Variants in CACNA1A observed in about 807,000 individuals in gnomAD.
CACNA1A encodes the protein voltage-dependent P/Q-type calcium channel subunit alpha-1A.
In CACNA1A, 57 loss-of-function variants were observed where a neutral mutation model predicts 262.4. The ratio of observed to expected loss-of-function variants is 0.22; its 90% CI spans 0.18 to 0.27. The LOEUF is 0.27. Among genes scored for constraint, CACNA1A ranks in the 10% least tolerant of loss-of-function variants. CACNA1A has a pLI of 1.00. For synonymous variants in CACNA1A, 1,431 were observed against 1,419.3 expected, an observed-to-expected ratio of 1.01 and a Z score of -0.18; for missense variants, 2,526 against 3,562.8, an observed-to-expected ratio of 0.71 and a Z score of 7.41.
intron 3 of CACNA1A, among the ~76,000 whole-genome samples, chr19:13,448,302 T>C (rs1453943036): frequency 2.0e-5 from 3 of 152,070 alleles, no homozygotes; most frequent in African/African-American, 4.8e-5. Context: ...TAAATGATGA[T>C]AACACATGGA....
At chr19:13,493,042 G>C (rs1981085023) in intron 1 of CACNA1A, among the ~76,000 whole-genome samples, 1 of 152,202 alleles carries the variant, frequency 6.6e-6, no homozygotes, top group South Asian at 2.1e-4. Context: ...GGGAAGGAGA[G>C]AGAAGGGGAG....
Position 13,505,991 on chromosome 19 carries a change from G to C in CACNA1A, c.234C>G (p.Leu78=). ...RQNCLTVNRS[L]FLFSEDNVVR... is the part of the protein sequence containing the mutation. ...CCACGTTGTCTTCGCTGAAGAGGAA[G>C]AGAGACCGGTTAACCGTGAGGCAGT... Residue 78 remains leucine (L), a synonymous_variant, in exon 1 of 47, where the codon CTC becomes CTG. Transcript: ENST00000360228. The C allele has an allele frequency of 1.2e-6, 2 of 1,614,004 alleles. No individual in the cohort carries two copies. The highest frequency in any genetic ancestry group is 2.2e-5 in the South Asian group (2 of 91,050).
chr19:13,424,192 T>A (rs981052957), intron 3 of CACNA1A, among the ~76,000 whole-genome samples: 1 of 151,970 alleles, frequency 6.6e-6, no homozygotes, highest in South Asian at 2.1e-4. Context: ...CTACTAAAAA[T>A]ACAAAACAAA....
Position 13,462,412 on chromosome 19 carries a change from C to T in CACNA1A, c.294-7200G>A, listed in dbSNP as rs114336846. ...TCACCAGGAAAAAGAGTAGAGGGTA[C>T]CAGAACCCTAGATATATGGGTTTAA... On this transcript the variant is annotated intron_variant, in intron 1 of 46. Transcript: ENST00000360228. Among the ~76,000 whole-genome samples, 833 of 152,228 alleles carry T rather than the reference C, an allele frequency of 5.5e-3. 5 individuals carry two copies. Among genetic ancestry groups the T allele is most frequent in the African/African-American group, 0.019 (783 of 41,524 alleles).
intron 7 of CACNA1A, among the ~76,000 whole-genome samples, chr19:13,335,191 T>G (rs141562212): frequency 7.0e-4 from 106 of 152,328 alleles, no homozygotes; most frequent in African/African-American, 2.5e-3. Context: ...ATGAAAGATT[T>G]CTGCAGCAGG....
chr19:13,268,579 C>T (rs578089382), intron 24 of CACNA1A, among the ~76,000 whole-genome samples: 33 of 151,778 alleles, frequency 2.2e-4, no homozygotes, highest in Non-Finnish European at 4.3e-4. Flanking sequence ...ACTACAGGCG[C>T]CCACCACCAC....
At chr19:13,380,818 G>C (rs942100096) in intron 3 of CACNA1A, among the ~76,000 whole-genome samples, 1 of 150,606 alleles carries the variant, frequency 6.6e-6, no homozygotes, top group East Asian at 1.9e-4. Flanking sequence ...CTGTTGTCTA[G>C]GCTGGAGTGC....
chr19:13,354,965 C>T lies in CACNA1A; in HGVS notation c.978+4641G>A, dbSNP rs560495349. 3.3e-5 allele frequency among the ~76,000 whole-genome samples: 5 copies of T among 151,500 alleles called. No individual in the cohort carries two copies. In the East Asian group the frequency reaches 7.8e-4, roughly 24 times the overall value. On this transcript the variant is annotated intron_variant, in intron 6 of 46. Transcript: ENST00000360228. Reference sequence around the variant, plus strand: ...TCTTGGCTCACTGCAACCTCCATCTCCCGGGTTCAAGTGATTCTCCTGCCT... The same window carrying T: ...TCTTGGCTCACTGCAACCTCCATCTTCCGGGTTCAAGTGATTCTCCTGCCT...
At chr19:13,386,444 G>A (rs771489374) in intron 3 of CACNA1A, among the ~76,000 whole-genome samples, 21 of 152,026 alleles carry the variant, frequency 1.4e-4, no homozygotes, top group South Asian at 4.2e-4. Flanking sequence ...TTCTTTGGCC[G>A]GATGCTTTTG....
intron 12 of CACNA1A, among the ~76,000 whole-genome samples, chr19:13,309,524 C>A (rs1194694963): frequency 7.1e-6 from 1 of 140,128 alleles, no homozygotes; most frequent in African/African-American, 2.6e-5. Flanking sequence ...GAAACCCTGA[C>A]TTTACAAAAA....
Position 13,457,245 on chromosome 19 carries a change from C to G in CACNA1A, c.294-2033G>C, listed in dbSNP as rs970943883. On this transcript the variant is annotated intron_variant, in intron 1 of 46. Transcript: ENST00000360228. The stretch of plus-strand genomic sequence containing the variant: ...CCAGCCTGGGCAATGGGAGTGAGAC[C>G]CTGTCTCAAAACAACAACAACAAAA... Among the ~76,000 whole-genome samples, 8 of 151,606 alleles carry G rather than the reference C, an allele frequency of 5.3e-5. No homozygotes were observed. In the East Asian group the frequency reaches 1.6e-3, roughly 30 times the overall value.
At chr19:13,364,644 TTTA>T (rs1457834279) in intron 5 of CACNA1A, 4 of 119,742 alleles carry the variant, frequency 3.3e-5, no homozygotes, top group Admixed American at 1.6e-4. Flanking sequence ...TATATTTTTA[TTTA>T]TTTATTTATT....
chr19:13,504,602 T>C (rs992937267), intron 1 of CACNA1A, among the ~76,000 whole-genome samples: 1 of 151,696 alleles, frequency 6.6e-6, no homozygotes, highest in East Asian at 1.9e-4. Flanking sequence ...CAAAACCACA[T>C]ACAAAAGGGA....
chr19:13,285,169 T>C lies in CACNA1A; in HGVS notation c.3591A>G (p.Lys1197=), dbSNP rs1004750542. Residue 1197 remains lysine, a synonymous_variant, in exon 21 of 47, where the codon AAA becomes AAG. Transcript: ENST00000360228. ...CCTCCTCCTCCTTCTTCTCTTCCTC[T>C]TTTTTTGGCAGTGGGTCTGGGTTGG... ...KNANPDPLPK[K]EEEKKEEEED... is the part of the protein sequence containing the mutation. The C allele has an allele frequency of 5.6e-6, 9 of 1,613,864 alleles. No individual in the cohort carries two copies. The highest frequency in any genetic ancestry group is 7.6e-6 in the Non-Finnish European group (9 of 1,179,798).
At chr19:13,376,670 T>C (rs535504857) in intron 3 of CACNA1A, among the ~76,000 whole-genome samples, 12 of 147,472 alleles carry the variant, frequency 8.1e-5, no homozygotes, top group African/African-American at 2.5e-4. Flanking sequence ...ATATATGTTA[T>C]ATATGATACA....
chr19:13,466,838 C>T (rs1042052474), intron 1 of CACNA1A, among the ~76,000 whole-genome samples: 21 of 151,722 alleles, frequency 1.4e-4, no homozygotes, highest in Admixed American at 9.2e-4. Context: ...ATGATATGGA[C>T]GGTTTTCAAG....
intron 19 of CACNA1A, among the ~76,000 whole-genome samples, chr19:13,296,281 C>G (rs4926261): frequency 0.66 from 99,943 of 152,006 alleles, 34,174 homozygotes; most frequent in East Asian, 1. Context: ...TGCTGGCCTA[C>G]CTCATATGTC....
At chr19:13,255,306 G>T in intron 28 of CACNA1A, 47 bp from the exon 29 acceptor site, 1 of 1,521,952 alleles carries the variant, frequency 6.6e-7, no homozygotes, top group African/African-American at 1.4e-5. Flanking sequence ...CAGGAGGAAG[G>T]TGGCTGTACA....
intron 22 of CACNA1A, among the ~76,000 whole-genome samples, chr19:13,282,916 C>T (rs2057324490): frequency 6.6e-6 from 1 of 152,174 alleles, no homozygotes; most frequent in Admixed American, 6.5e-5. Flanking sequence ...GAGGGGACCA[C>T]CTCTGAGCAC....
Sources: gnomAD v4.1 joint callset for allele counts (sites outside exome capture counted in the v4.1 genomes callset) on GRCh38, gnomAD v4.1.1 for gene constraint, MANE v1.5 for transcripts, NCBI Gene and HGNC (gene_info 2026-07-23, HGNC 2026-07-21) for gene names.